TMEM132D: variants seen among roughly 807,000 people sequenced by gnomAD.
TMEM132D encodes transmembrane protein 132D, also known as mature OL transmembrane protein.
Under a neutral mutation model 62.3 loss-of-function variants are expected in TMEM132D, and 21 were observed. The observed-to-expected ratio is 0.34, with a 90% CI of 0.24 to 0.49. The LOEUF (loss-of-function observed/expected upper bound fraction) is 0.49, where lower values mean the gene tolerates loss of function less well. TMEM132D is among the 20% of genes least tolerant of loss of function. The pLI is 0.99. For synonymous variants in TMEM132D, 621 were observed against 575.6 expected (o/e 1.08, Z -1.13); for missense variants, 1,346 against 1,402.8 (o/e 0.96, Z 0.65).
chr12:129,483,165 C>T (rs747534486), intron 3 of TMEM132D, among the ~76,000 whole-genome samples: 1 of 152,192 alleles, frequency 6.6e-6, no homozygotes, highest in Admixed American at 6.5e-5. Context: ...TCTGTCATTA[C>T]GCTTCTATCG....
chr12:129,147,628 C>T (rs567658820), intron 5 of TMEM132D, among the ~76,000 whole-genome samples: 41 of 152,198 alleles, frequency 2.7e-4, no homozygotes, highest in Admixed American at 5.2e-4. Flanking sequence ...TGTTAGACAA[C>T]GTATTCGTGT....
At chr12:129,106,086 C>T (rs955709070) in intron 5 of TMEM132D, among the ~76,000 whole-genome samples, 29 of 150,930 alleles carry the variant, frequency 1.9e-4, no homozygotes, top group African/African-American at 7.1e-4. Context: ...ACTATGCAGC[C>T]ATAAAAAATG....
At chr12:129,691,985 C>A (rs537684382) in intron 2 of TMEM132D, among the ~76,000 whole-genome samples, 2 of 152,014 alleles carry the variant, frequency 1.3e-5, no homozygotes, top group African/African-American at 4.8e-5. Flanking sequence ...AATGAAATCA[C>A]CAGGCTCGGA....
chr12:129,566,651 C>T (rs142787880), intron 2 of TMEM132D, among the ~76,000 whole-genome samples: 2,002 of 152,304 alleles, frequency 0.013, 45 homozygotes, highest in African/African-American at 0.045. Context: ...GCAAAGCTGT[C>T]TCTGGTGGGG....
chr12:129,486,756 C>T (rs568532365), intron 3 of TMEM132D, among the ~76,000 whole-genome samples: 1 of 152,256 alleles, frequency 6.6e-6, no homozygotes, highest in African/African-American at 2.4e-5. Context: ...TTCTTGTATG[C>T]TTCCTTCCCT....
At chr12:129,590,893 T>A (rs191210118) in intron 2 of TMEM132D, among the ~76,000 whole-genome samples, 8 of 152,342 alleles carry the variant, frequency 5.3e-5, no homozygotes, top group African/African-American at 1.9e-4. Context: ...TTCAGTCATA[T>A]TTCCATTGAA....
intron 1 of TMEM132D, among the ~76,000 whole-genome samples, chr12:129,703,397 G>A (rs1455608589): frequency 6.6e-6 from 1 of 151,696 alleles, no homozygotes; most frequent in African/African-American, 2.4e-5. Flanking sequence ...ATTTTGCCTG[G>A]TATCTGACCT....
chr12:129,606,209 G>A (rs759132833), intron 2 of TMEM132D, among the ~76,000 whole-genome samples: 8 of 152,270 alleles, frequency 5.3e-5, no homozygotes, highest in Non-Finnish European at 1.0e-4. Flanking sequence ...GATAGTCTTC[G>A]GGAAATGTCA....
rs78345919 is a variant in TMEM132D, at chr12:129,564,833, G to A, written c.969-33628C>T. Among the ~76,000 whole-genome samples the A allele has an allele frequency of 5.3e-3, 806 of 152,300 alleles. 7 individuals are homozygous for A. The highest frequency in any genetic ancestry group is 0.018 in the African/African-American group (769 of 41,570). On this transcript the variant is annotated intron_variant, in intron 2 of 8. Coordinates refer to ENST00000422113, the MANE Select transcript of TMEM132D (RefSeq NM_133448.3). ...TGGTGCAAAGGCAATGATGGGTATT[G>A]TTGTCAGGCTGGCATGACCATGGAA...
chr12:129,156,036 C>T lies in TMEM132D; in HGVS notation c.1443+53484G>A, dbSNP rs1039839802. Among the ~76,000 whole-genome samples the T allele has an allele frequency of 7.9e-5, 12 of 151,986 alleles. No homozygotes were observed. The East Asian group carries it at 2.1e-3, about 27-fold the overall frequency. ...AACTCCCAAAATAACCAAACCACTCCCGTGATAACTGACCCACTTCTGACA... is the reference window on the plus strand; with the variant it reads ...AACTCCCAAAATAACCAAACCACTCTCGTGATAACTGACCCACTTCTGACA... On this transcript the variant is annotated intron_variant, in intron 5 of 8. Transcript: ENST00000422113.
At chr12:129,733,155 A>T (rs1421479565) in intron 1 of TMEM132D, among the ~76,000 whole-genome samples, 1 of 152,058 alleles carries the variant, frequency 6.6e-6, no homozygotes, top group Non-Finnish European at 1.5e-5. Flanking sequence ...CATCCTACTG[A>T]ATTATCAAAC....
rs951532725 is a variant in TMEM132D at position 129,185,179 on chromosome 12, G to A, written c.1443+24341C>T. On this transcript the variant is annotated intron_variant, in intron 5 of 8. Transcript: ENST00000422113. ...GGAGAGAAGATCCTGGAGACCATCT[G>A]TATGACCTCACAGAACTACAGCAGA... Among the ~76,000 whole-genome samples the A allele has an allele frequency of 4.5e-4, 68 of 152,122 alleles. 1 individual carries two copies. Among genetic ancestry groups the A allele is most frequent in the Non-Finnish European group, 1.2e-4 (8 of 68,026 alleles).
chr12:129,385,823 T>G (rs1376455841), intron 3 of TMEM132D, among the ~76,000 whole-genome samples: 1 of 152,230 alleles, frequency 6.6e-6, no homozygotes, highest in African/African-American at 2.4e-5. Flanking sequence ...AAACCCCTGG[T>G]GCATACTTAA....
intron 3 of TMEM132D, among the ~76,000 whole-genome samples, chr12:129,424,681 C>T: frequency 8.7e-6 from 1 of 115,264 alleles, no homozygotes; most frequent in East Asian, 3.0e-4. Context: ...ACACTCCAGC[C>T]TGGGTGACAG....
At chr12:129,276,739 G>T (rs1881017604) in intron 4 of TMEM132D, among the ~76,000 whole-genome samples, 1 of 152,162 alleles carries the variant, frequency 6.6e-6, no homozygotes, top group South Asian at 2.1e-4. Context: ...TACAATAACA[G>T]GATCCTTGCC....
chr12:129,582,212 T>C (rs1195765934), intron 2 of TMEM132D, among the ~76,000 whole-genome samples: 1 of 152,234 alleles, frequency 6.6e-6, no homozygotes, highest in African/African-American at 2.4e-5. Context: ...TTTGACAGCA[T>C]CCCAAGTCCC....
chr12:129,540,078 TA>T lies in TMEM132D; in HGVS notation c.969-8874del, dbSNP rs1233944545. 2.9e-5 allele frequency among the ~76,000 whole-genome samples: 4 copies of T among 137,218 alleles called. No individual in the cohort carries two copies. The East Asian group carries it at 8.9e-4, about 30-fold the overall frequency. 90.0% of individuals were successfully genotyped at this position (137,218 alleles called of 152,430 possible). ...GTCTGTGGGCTTTTATTTTTTTTTTTAAATTGCCAGCACAGACAGATGTTCA... is the reference window on the plus strand; with the variant it reads ...GTCTGTGGGCTTTTATTTTTTTTTTTAATTGCCAGCACAGACAGATGTTCA... On this transcript the variant is annotated intron_variant, in intron 2 of 8. Coordinates refer to ENST00000422113, the MANE Select transcript of TMEM132D (RefSeq NM_133448.3).
intron 5 of TMEM132D, among the ~76,000 whole-genome samples, chr12:129,184,601 G>A (rs1479013899): frequency 6.6e-6 from 1 of 152,198 alleles, no homozygotes; most frequent in South Asian, 2.1e-4. Flanking sequence ...TAGTCTCTCC[G>A]TGGCTATTAC....
intron 1 of TMEM132D, among the ~76,000 whole-genome samples, chr12:129,712,612 G>A (rs966225300): frequency 2.0e-5 from 3 of 152,206 alleles, no homozygotes; most frequent in African/African-American, 7.2e-5. Context: ...GGCACTGAAA[G>A]TATGGCTGGC....
Sources: allele counts gnomAD v4.1 joint callset (sites outside exome capture counted in the v4.1 genomes callset), GRCh38; gene constraint gnomAD v4.1.1; transcripts MANE v1.5; gene names NCBI Gene and HGNC (gene_info 2026-07-23, HGNC 2026-07-21).